Variants in ADAMTS6 observed in about 807,000 individuals in gnomAD.
The protein encoded by ADAMTS6 is A disintegrin and metalloproteinase with thrombospondin motifs 6.
A neutral mutation model predicts 144.3 loss-of-function variants in ADAMTS6; 23 were observed. The ratio of observed to expected loss-of-function variants is 0.16; its 90% CI spans 0.11 to 0.23. ADAMTS6 has a LOEUF of 0.23. ADAMTS6 is among the 10% of genes least tolerant of loss of function. The pLI is 1.00. For missense variants in ADAMTS6, 999 were observed against 1,379.6 expected, an observed-to-expected ratio of 0.72 and a Z score of 4.37; for synonymous variants, 444 against 457.5, an observed-to-expected ratio of 0.97 and a Z score of 0.38.
rs571707695 is a variant in ADAMTS6 at position 65,210,287 on chromosome 5, C to G, written c.2575+4507G>C. 5.5e-3 allele frequency: 870 copies of G among 157,394 alleles called. 13 individuals are homozygous for G. Among genetic ancestry groups the G allele is most frequent in the African/African-American group, 0.02 (841 of 41,246 alleles). 9.7% of individuals were successfully genotyped at this position (157,394 alleles called of 1,614,324 possible). A position where few individuals can be genotyped will look rare whatever the true frequency, so the allele number is the denominator to read the frequency against. ...CTAACACGGTGAAACCCCGTCTCTA[C>G]TAAAAATACAAAAATTAGCCGGGCA... On this transcript the variant is annotated intron_variant, in intron 20 of 24. Transcript: ENST00000381055.
At chr5:65,222,915 A>T (rs1347955914) in intron 18 of ADAMTS6, among the ~76,000 whole-genome samples, 1 of 151,984 alleles carries the variant, frequency 6.6e-6, no homozygotes, top group Non-Finnish European at 1.5e-5. Flanking sequence ...GCAAGCAGAA[A>T]CTAGGAGAAA....
In ADAMTS6 at chr5:65,258,771, T is replaced by A. The variant is rs865959477; in HGVS notation, c.1830+1829A>T. On this transcript the variant is annotated intron_variant, in intron 14 of 24. Transcript: ENST00000381055. ...TTGGTGTAAGCCAAATGGAGTTACA[T>A]CTGAGATGGGAAAAACTGCTGGAAG... Among the ~76,000 whole-genome samples, 3 of 152,250 alleles carry A rather than the reference T, an allele frequency of 2.0e-5. No homozygotes were observed. The South Asian group carries it at 6.2e-4, about 32-fold the overall frequency.
At chr5:65,211,153 A>G (rs1756503703) in intron 20 of ADAMTS6, among the ~76,000 whole-genome samples, 1 of 152,206 alleles carries the variant, frequency 6.6e-6, no homozygotes, top group Admixed American at 6.5e-5. Flanking sequence ...AAGGGACTTT[A>G]CTTCCCTCAA....
chr5:65,460,464 A>T (rs1221081536), intron 3 of ADAMTS6, 126 bp from the exon 4 acceptor site: 1 of 855,908 alleles, frequency 1.2e-6, no homozygotes, highest in African/African-American at 1.7e-5. Flanking sequence ...GTTAATAAAA[A>T]AATTAGCGAA....
intron 12 of ADAMTS6, among the ~76,000 whole-genome samples, chr5:65,268,720 A>G (rs1761826921): frequency 6.6e-6 from 1 of 152,092 alleles, no homozygotes; most frequent in South Asian, 2.1e-4. Flanking sequence ...TCAGTTTTTA[A>G]TTTTTTGGCC....
intron 7 of ADAMTS6, among the ~76,000 whole-genome samples, chr5:65,416,457 T>C (rs1317497216): frequency 1.3e-5 from 2 of 152,098 alleles, no homozygotes; most frequent in African/African-American, 4.8e-5. Flanking sequence ...TCCATGAGAA[T>C]TGAAAATATA....
At position 65,170,635 on chromosome 5, in the gene ADAMTS6, G is replaced by A. The variant is rs775956686; in HGVS notation, c.3226C>T (p.Pro1076Ser). The change falls in exon 24 of 25, where the codon CCC becomes TCC. Residue 1076 changes from proline (P) to serine (S), a missense_variant. Physicochemically the swap from Pro to Ser is moderately conservative, Grantham distance 74. Around this residue, in one of 3 missense-constraint regions of ADAMTS6, gnomAD observed 619 missense variants for 837.0 expected, o/e 0.74. Coordinates refer to ENST00000381055, the MANE Select transcript of ADAMTS6 (RefSeq NM_197941.4). ...QQCESKCDSTPISNTEECKDV... is the reference protein window; with the variant it reads ...QQCESKCDSTSISNTEECKDV... ...AACTCACCTTCAGTATTAGAAATGG[G>A]GGTACTGTCACATTTGCTTTCACAC... The A allele has an allele frequency of 1.2e-6, 2 of 1,613,880 alleles. No individual in the cohort carries two copies. Among genetic ancestry groups the A allele is most frequent in the African/African-American group, 2.7e-5 (2 of 74,876 alleles).
At chr5:65,242,353 C>G (rs554839480) in intron 14 of ADAMTS6, 147 bp from the exon 15 acceptor site, 2 of 510,298 alleles carry the variant, frequency 3.9e-6, no homozygotes, top group Non-Finnish European at 6.8e-6. Context: ...TTTTACAATC[C>G]GTATTCAGAT....
At chr5:65,240,418 G>A (rs1204481681) in intron 15 of ADAMTS6, among the ~76,000 whole-genome samples, 2 of 152,100 alleles carry the variant, frequency 1.3e-5, no homozygotes, top group Non-Finnish European at 2.9e-5. Context: ...TCTCTTAGGA[G>A]GAGTAGGGAG....
intron 7 of ADAMTS6, among the ~76,000 whole-genome samples, chr5:65,426,479 A>G (rs964246357): frequency 1.1e-4 from 17 of 152,198 alleles, no homozygotes; most frequent in African/African-American, 3.8e-4. Context: ...GGAAAAAATG[A>G]AAGTAAAAGC....
intron 7 of ADAMTS6, among the ~76,000 whole-genome samples, chr5:65,420,911 GA>G (rs1056481909): frequency 4.7e-5 from 7 of 149,834 alleles, no homozygotes; most frequent in Admixed American, 6.6e-5. Context: ...GCCATTTAAA[GA>G]AAAAAAAACA....
In ADAMTS6 at chr5:65,148,752, T is replaced by C. The variant is rs1751980438; in HGVS notation, c.*3084A>G. 1 of 152,422 alleles carries C rather than the reference T, an allele frequency of 6.6e-6. No homozygotes were observed. Among genetic ancestry groups the C allele is most frequent in the Non-Finnish European group, 1.5e-5 (1 of 68,044 alleles). The allele number at this position is 152,422 out of a possible 1,614,324, so 9.4% of individuals were successfully genotyped here. On this transcript the variant is annotated 3_prime_UTR_variant, in exon 25 of 25. Transcript: ENST00000381055. ...TTCAATCTGTATCATTATTATAAGC[T>C]GAATTTTTATTTTACTAAATTATCT...
Position 65,214,396 on chromosome 5 carries a change from C to T in ADAMTS6, c.2575+398G>A. On this transcript the variant is annotated intron_variant, in intron 20 of 24. Coordinates refer to ENST00000381055, the MANE Select transcript of ADAMTS6 (RefSeq NM_197941.4). This position sits in a 1 kb window ranked among gnomAD's most constrained non-coding sequence, Gnocchi z 4.6. ...CAGGCACACAAACACACACAACAAG[C>T]ACACAGCCGTACATTCTCATCTCCC... 2.9e-6 allele frequency: 1 copy of T among 343,668 alleles called. No individual in the cohort carries two copies. The highest frequency in any genetic ancestry group is 2.3e-5 in the South Asian group (1 of 42,558). The allele number at this position is 343,668 out of a possible 1,614,324, so 21.3% of individuals were successfully genotyped here.
chr5:65,292,973 C>T (rs927939020), intron 10 of ADAMTS6, among the ~76,000 whole-genome samples: 17 of 151,962 alleles, frequency 1.1e-4, no homozygotes, highest in African/African-American at 4.1e-4. Context: ...AGAAAAATTA[C>T]CTCTAGATGA....
At chr5:65,278,946 T>A (rs1374479890) in intron 11 of ADAMTS6, among the ~76,000 whole-genome samples, 1 of 33,256 alleles carries the variant, frequency 3.0e-5, no homozygotes, top group African/African-American at 1.5e-4. Context: ...TTACAGTCTT[T>A]TTTTTTTTTT....
At chr5:65,224,127 G>A (rs1035989317) in intron 18 of ADAMTS6, among the ~76,000 whole-genome samples, 193 bp downstream of exon 18, 3 of 151,934 alleles carry the variant, frequency 2.0e-5, no homozygotes, top group African/African-American at 2.4e-5. Flanking sequence ...AAAATAACCC[G>A]GTGAAGAGTA....
chr5:65,411,612 T>C (rs1755060597), intron 7 of ADAMTS6, among the ~76,000 whole-genome samples: 1 of 152,170 alleles, frequency 6.6e-6, no homozygotes, highest in African/African-American at 2.4e-5. Context: ...ACGTGGGAGT[T>C]TGATAGGTTG....
intron 8 of ADAMTS6, among the ~76,000 whole-genome samples, chr5:65,330,125 C>G (rs1270104064): frequency 6.6e-6 from 1 of 151,972 alleles, no homozygotes; most frequent in African/African-American, 2.4e-5. Context: ...TTTCCTCTCT[C>G]CTATCCCTTA....
intron 7 of ADAMTS6, among the ~76,000 whole-genome samples, chr5:65,393,907 A>C (rs969379254): frequency 5.3e-5 from 8 of 152,204 alleles, no homozygotes; most frequent in Non-Finnish European, 1.0e-4. Context: ...TGTGTCAGGA[A>C]AACTGTGTAG....
Sources: allele counts gnomAD v4.1 joint callset (sites outside exome capture counted in the v4.1 genomes callset), GRCh38; gene constraint gnomAD v4.1.1; regional missense constraint gnomAD v4.1.1; non-coding constraint Gnocchi (gnomAD v3.1); transcripts MANE v1.5; gene names NCBI Gene and HGNC (gene_info 2026-07-23, HGNC 2026-07-21).